Variants in MGAM2 observed in about 807,000 individuals in gnomAD.
MGAM2 encodes the protein maltase-glucoamylase 2 (putative), also known as probable maltase-glucoamylase 2.
In MGAM2, 98 loss-of-function variants were observed where a neutral mutation model predicts 96.1. The ratio of observed to expected loss-of-function variants is 1.02; its 90% CI spans 0.87 to 1.21. The LOEUF (loss-of-function observed/expected upper bound fraction) is 1.21. MGAM2 is among the 50% of genes most tolerant of loss of function. The pLI is 0.00. For synonymous variants in MGAM2, 749 were observed against 414.8 expected, an observed-to-expected ratio of 1.81 and a Z score of -9.79; for missense variants, 2,055 against 1,182.4, an observed-to-expected ratio of 1.74 and a Z score of -10.82.
chr7:142,154,139 C>T lies in MGAM2; in HGVS notation c.1756C>T (p.Arg586Ter), dbSNP rs775950788. 1.9e-5 allele frequency: 13 copies of T among 683,726 alleles called. No homozygotes were observed. The highest frequency in any genetic ancestry group is 3.5e-5 in the African/African-American group (2 of 57,090). 42.4% of individuals were successfully genotyped at this position (683,726 alleles called of 1,614,324 possible). A position where few individuals can be genotyped will look rare whatever the true frequency, so the allele number is the denominator to read the frequency against. The change falls in exon 16 of 48, where the codon CGA becomes TGA. Residue 586 changes from arginine (R) to a stop codon, truncating the protein, a stop_gained. Transcript: ENST00000477922. LOFTEE classifies it high-confidence loss of function. ...GDNAATWDDL[R>*]WSIPTILEFN... ...CAATGCGGCCACATGGGATGACCTC[C>T]GATGGTCTATCCCCACTATCCTTGA...
intron 12 of MGAM2, 82 bp from the exon 13 acceptor site, chr7:142,143,687 C>A: frequency 2.1e-6 from 1 of 466,312 alleles, no homozygotes; most frequent in Non-Finnish European, 3.8e-6. Context: ...CAAAATGAGG[C>A]TCCTAGTAGA....
At chr7:142,211,754 T>C (rs1369664394) in intron 46 of MGAM2, among the ~76,000 whole-genome samples, 4 of 152,182 alleles carry the variant, frequency 2.6e-5, no homozygotes, top group African/African-American at 9.7e-5. Context: ...TGGAACCAAG[T>C]TGTAAAGCAC....
chr7:142,130,521 G>T (rs1794854470), intron 3 of MGAM2, among the ~76,000 whole-genome samples: 1 of 152,154 alleles, frequency 6.6e-6, no homozygotes, highest in Admixed American at 6.5e-5. Flanking sequence ...AACCTCCCCT[G>T]GTGCTTCATG....
rs557536652 is a variant in MGAM2, at chr7:142,141,872, G to T, written c.1317+753G>T. Among the ~76,000 whole-genome samples, 46 of 152,286 alleles carry T rather than the reference G, an allele frequency of 3.0e-4. 2 individuals are homozygous for T. In the Middle Eastern group the frequency reaches 0.017, roughly 56 times the overall value. On this transcript the variant is annotated intron_variant, in intron 12 of 47. Coordinates refer to ENST00000477922, the MANE Select transcript of MGAM2 (RefSeq NM_001293626.2). ...TCTGAGGTAGCAGACTCAGGCAGTGGAATAGGCTGAGCTGGGGCCTATATT... is the reference window on the plus strand; with the variant it reads ...TCTGAGGTAGCAGACTCAGGCAGTGTAATAGGCTGAGCTGGGGCCTATATT...
At position 142,154,033 on chromosome 7, in the gene MGAM2, C is replaced by G; in HGVS notation, c.1650C>G (p.Ile550Met). 1.5e-6 allele frequency: 1 copy of G among 676,470 alleles called. No homozygotes were observed. The highest frequency in any genetic ancestry group is 2.7e-6 in the Non-Finnish European group (1 of 366,176). The allele number at this position is 676,470 out of a possible 1,614,324, so 41.9% of individuals were successfully genotyped here. The change falls in exon 16 of 48, where the codon ATC becomes ATG. Residue 550 changes from isoleucine to methionine, a missense_variant. Coordinates refer to ENST00000477922, the MANE Select transcript of MGAM2 (RefSeq NM_001293626.2). ...TCCTTTCCAGAGCCCTGGAGACCATCTTCATGAATAATAGGAGCTTCATCT... is the reference window on the plus strand; with the variant it reads ...TCCTTTCCAGAGCCCTGGAGACCATGTTCATGAATAATAGGAGCTTCATCT... ...ARTTNLALET[I>M]FMNNRSFILS... is the part of the protein sequence containing the mutation.
intron 32 of MGAM2, among the ~76,000 whole-genome samples, chr7:142,182,399 G>T (rs978285702): frequency 6.6e-6 from 1 of 152,170 alleles, no homozygotes; most frequent in Non-Finnish European, 1.5e-5. Context: ...CAGATCAGAT[G>T]CACCCTTGTT....
chr7:142,144,825 C>T (rs1280332871), intron 13 of MGAM2, 36 bp from the exon 14 acceptor site: 3 of 683,578 alleles, frequency 4.4e-6, no homozygotes, highest in Non-Finnish European at 8.0e-6. Context: ...GTAGCTCAAT[C>T]GCATTTTACA....
At position 142,185,464 on chromosome 7, in the gene MGAM2, A is replaced by G. The variant is rs532757518; in HGVS notation, c.3987+325A>G. 3.3e-5 allele frequency among the ~76,000 whole-genome samples: 5 copies of G among 152,336 alleles called. No homozygotes were observed. In the South Asian group the frequency reaches 8.3e-4, roughly 25 times the overall value. On this transcript the variant is annotated intron_variant, in intron 34 of 47. Transcript: ENST00000477922. ...CTCACTAGAGGGGAATCCATTATGA[A>G]CAGACTGGATTTTAATAAATTATCT...
Position 142,185,147 on chromosome 7 carries a change from T to A in MGAM2, c.3987+8T>A. 1 of 702,360 alleles carries A rather than the reference T, an allele frequency of 1.4e-6. No homozygotes were observed. Among genetic ancestry groups the A allele is most frequent in the South Asian group, 1.5e-5 (1 of 67,360 alleles). The allele number at this position is 702,360 out of a possible 1,614,324, so 43.5% of individuals were successfully genotyped here. The stretch of plus-strand genomic sequence containing the variant: ...CATGAAACTCAGGTTAAGGTACAGT[T>A]GTATATAGATTTTTGTCAACATTGC... On this transcript the variant is annotated splice_region_variant and intron_variant, in intron 34 of 47. Coordinates refer to ENST00000477922, the MANE Select transcript of MGAM2 (RefSeq NM_001293626.2).
At chr7:142,207,752 T>A (rs1032068276) in intron 45 of MGAM2, among the ~76,000 whole-genome samples, 3 of 152,072 alleles carry the variant, frequency 2.0e-5, no homozygotes, top group African/African-American at 7.2e-5. Context: ...CTTTTTAAGA[T>A]GTATGGTAAT....
chr7:142,117,793 G>C (rs994708792), intron 2 of MGAM2, among the ~76,000 whole-genome samples: 9 of 151,944 alleles, frequency 5.9e-5, no homozygotes, highest in East Asian at 1.9e-4. Flanking sequence ...CACATTTTTC[G>C]GGTAACAAGT....
At chr7:142,178,672 G>A (rs1486918691) in intron 32 of MGAM2, among the ~76,000 whole-genome samples, 2 of 151,964 alleles carry the variant, frequency 1.3e-5, no homozygotes, top group East Asian at 1.9e-4. Context: ...TTGTAGGTGT[G>A]TGATAGTATA....
chr7:142,133,640 A>AT (rs1395239772), intron 6 of MGAM2, among the ~76,000 whole-genome samples: 1 of 152,132 alleles, frequency 6.6e-6, no homozygotes, highest in East Asian at 1.9e-4. Context: ...GTCCAAAAAA[A>AT]GGGACTCAAA....
At chr7:142,155,366 G>A (rs1483996680) in intron 17 of MGAM2, among the ~76,000 whole-genome samples, 1 of 152,132 alleles carries the variant, frequency 6.6e-6, no homozygotes, top group African/African-American at 2.4e-5. Flanking sequence ...TATTTTCGAT[G>A]GGCAAGTACA....
At chr7:142,131,162 A>G in intron 4 of MGAM2, 91 bp downstream of exon 4, 2 of 658,470 alleles carry the variant, frequency 3.0e-6, no homozygotes, top group Non-Finnish European at 5.6e-6. Context: ...AAAGTCAGGC[A>G]GGCGTGGTGG....
Position 142,147,563 on chromosome 7 carries a change from A to G in MGAM2, c.1624A>G (p.Thr542Ala). 1 of 702,480 alleles carries G rather than the reference A, an allele frequency of 1.4e-6. No homozygotes were observed. The highest frequency in any genetic ancestry group is 2.6e-6 in the Non-Finnish European group (1 of 384,830). The allele number at this position is 702,480 out of a possible 1,614,324, so 43.5% of individuals were successfully genotyped here. A position where few individuals can be genotyped will look rare whatever the true frequency, so the allele number is the denominator to read the frequency against. ...HSLYGHSMAR[T>A]TNLALETIFM... ...CTTGTATGGCCACTCCATGGCAAGA[A>G]CCACAAACTTGTAAGGACTTGGTTT... The change falls in exon 15 of 48, where the codon ACC (threonine) becomes GCC (alanine). Residue 542 changes from threonine to alanine, a missense_variant. Thr to Ala is a moderately conservative substitution (Grantham distance 58). Transcript: ENST00000477922.
At position 142,187,742 on chromosome 7, in the gene MGAM2, C is replaced by T. The variant is rs1258222689; in HGVS notation, c.4123-8C>T. 4 of 702,106 alleles carry T rather than the reference C, an allele frequency of 5.7e-6. No homozygotes were observed. In the East Asian group the frequency reaches 1.1e-4, roughly 19 times the overall value. The allele number at this position is 702,106 out of a possible 1,614,324, so 43.5% of individuals were successfully genotyped here. On this transcript the variant is annotated splice_polypyrimidine_tract_variant and splice_region_variant and intron_variant, in intron 35 of 47. Coordinates refer to ENST00000477922, the MANE Select transcript of MGAM2 (RefSeq NM_001293626.2). ...ATGACGAGATCTTTTTTTGTTAACT[C>T]ATTTCAGGATATGAATGAGCCATCA... is the stretch of plus-strand genomic sequence containing the variant.
intron 46 of MGAM2, among the ~76,000 whole-genome samples, chr7:142,212,518 C>G (rs1431060704): frequency 1.3e-5 from 2 of 152,024 alleles, no homozygotes; most frequent in Non-Finnish European, 2.9e-5. Flanking sequence ...ATTTGCCCAT[C>G]AAATGGGAAG....
chr7:142,143,585 T>TA (rs1249747022), intron 12 of MGAM2, among the ~76,000 whole-genome samples, 184 bp from the exon 13 acceptor site: 2 of 152,242 alleles, frequency 1.3e-5, no homozygotes, highest in Non-Finnish European at 2.9e-5. Context: ...CTGTTGCTTT[T>TA]CCTTTTATTG....
Sources: gnomAD v4.1 joint callset for allele counts (sites outside exome capture counted in the v4.1 genomes callset) on GRCh38, gnomAD v4.1.1 for gene constraint, MANE v1.5 for transcripts, NCBI Gene and HGNC (gene_info 2026-07-23, HGNC 2026-07-21) for gene names.